The following IVL variants were observed in gnomAD, a reference collection of about 807,000 sequenced individuals.
IVL encodes the protein involucrin.
For synonymous variants in IVL, 257 were observed against 271.0 expected, an observed-to-expected ratio of 0.95 and a Z score of 0.51; for missense variants, 722 against 624.9, an observed-to-expected ratio of 1.16 and a Z score of -1.66.
In IVL at chr1:152,911,633, C is replaced by G; in HGVS notation, c.*78C>G. ...GCCACTGGCTCCACTTATTTCGGGT[C>G]CGCTAGGTGGCCCGTCTCATCTGTG... On this transcript the variant is annotated 3_prime_UTR_variant, in exon 2 of 2. Transcript: ENST00000368764. 1 of 1,384,408 alleles carries G rather than the reference C, an allele frequency of 7.2e-7. No individual in the cohort carries two copies. Among genetic ancestry groups the G allele is most frequent in the Non-Finnish European group, 9.9e-7 (1 of 1,010,744 alleles). The allele number at this position is 1,384,408 out of a possible 1,614,324, so 85.8% of individuals were successfully genotyped here.
Position 152,910,661 on chromosome 1 carries a change from G to A in IVL, c.864G>A (p.Gln288=), listed in dbSNP as rs180686771. 336 of 1,550,644 alleles carry A rather than the reference G, an allele frequency of 2.2e-4. 1 individual carries two copies. In the African/African-American group the frequency reaches 3.8e-3, roughly 18 times the overall value. The change falls in exon 2 of 2, where the codon CAG becomes CAA. Residue 288 remains glutamine (Q), a synonymous_variant. Coordinates refer to ENST00000368764, the MANE Select transcript of IVL (RefSeq NM_005547.4). Reference sequence around the variant, plus strand: ...TGGGGCAGCTGAAGTACCTGGAACAGCAGGAGGGGCAGCTGAAGCACCTGG... The same window carrying A: ...TGGGGCAGCTGAAGTACCTGGAACAACAGGAGGGGCAGCTGAAGCACCTGG... ...EQMGQLKYLE[Q]QEGQLKHLDQ... is the part of the protein sequence containing the mutation.
Position 152,911,694 on chromosome 1 carries a change from G to A in IVL, c.*139G>A. 1 of 833,092 alleles carries A rather than the reference G, an allele frequency of 1.2e-6. No individual in the cohort carries two copies. Among genetic ancestry groups the A allele is most frequent in the South Asian group, 1.8e-5 (1 of 56,684 alleles). The allele number at this position is 833,092 out of a possible 1,614,324, so 51.6% of individuals were successfully genotyped here. ...TGTCCCTCTACATGTCTCTTTAATG[G>A]GGTGAGGGTGGGGGAGAGAGGGAAT... On this transcript the variant is annotated 3_prime_UTR_variant, in exon 2 of 2. Coordinates refer to ENST00000368764, the MANE Select transcript of IVL (RefSeq NM_005547.4).
In IVL at chr1:152,911,593, A is replaced by G. The variant is rs1179804901; in HGVS notation, c.*38A>G. The stretch of plus-strand genomic sequence containing the variant: ...TCCAGAGGCCCTCAGATCGTCTCAT[A>G]CAAGGGAAGAGAGAGCCACTGGCTC... On this transcript the variant is annotated 3_prime_UTR_variant, in exon 2 of 2. Coordinates refer to ENST00000368764, the MANE Select transcript of IVL (RefSeq NM_005547.4). The G allele has an allele frequency of 6.5e-7, 1 of 1,549,638 alleles. No homozygotes were observed. Among genetic ancestry groups the G allele is most frequent in the African/African-American group, 1.4e-5 (1 of 72,930 alleles).
In IVL at chr1:152,910,842, C is replaced by G. The variant is rs1649957524; in HGVS notation, c.1045C>G (p.Gln349Glu). The G allele has an allele frequency of 5.8e-6, 9 of 1,551,602 alleles. No homozygotes were observed. Among genetic ancestry groups the G allele is most frequent in the Non-Finnish European group, 7.8e-6 (9 of 1,147,324 alleles). ...GGGGCAGCTGAAGCACCTGGAGCAG[C>G]AGGAGGGGCAGCTGGAGCACCTGGA... ...QEGQLKHLEQQEGQLEHLEHQ... is the reference protein window; with the variant it reads ...QEGQLKHLEQEEGQLEHLEHQ... The change falls in exon 2 of 2, where the codon CAG becomes GAG. Residue 349 changes from glutamine to glutamate, a missense_variant. Gln to Glu is a conservative substitution (Grantham distance 29). Coordinates refer to ENST00000368764, the MANE Select transcript of IVL (RefSeq NM_005547.4).
At position 152,910,834 on chromosome 1, in the gene IVL, T is replaced by G. The variant is rs1247431800; in HGVS notation, c.1037T>G (p.Leu346Arg). The G allele has an allele frequency of 6.6e-7, 1 of 1,519,768 alleles. No homozygotes were observed. Among genetic ancestry groups the G allele is most frequent in the South Asian group, 1.2e-5 (1 of 82,870 alleles). The allele number at this position is 1,519,768 out of a possible 1,614,324, so 94.1% of individuals were successfully genotyped here. The change falls in exon 2 of 2, where the codon CTG becomes CGG. Residue 346 changes from leucine (L) to arginine (R), a missense_variant. Transcript: ENST00000368764. ...LEEQEGQLKHLEQQEGQLEHL... is the reference protein window; with the variant it reads ...LEEQEGQLKHREQQEGQLEHL... ...GAGCAGGAGGGGCAGCTGAAGCACC[T>G]GGAGCAGCAGGAGGGGCAGCTGGAG...
intron 1 of IVL, among the ~76,000 whole-genome samples, chr1:152,909,349 G>T (rs1050629665): frequency 6.6e-6 from 1 of 152,184 alleles, no homozygotes; most frequent in Non-Finnish European, 1.5e-5. Context: ...CGGCCTATTG[G>T]TTTTCTAGGA....
Position 152,910,690 on chromosome 1 carries a change from A to G in IVL, c.893A>G (p.Gln298Arg), listed in dbSNP as rs369992106. The G allele has an allele frequency of 6.5e-6, 10 of 1,549,462 alleles. No homozygotes were observed. The African/African-American group carries it at 9.6e-5, about 15-fold the overall frequency. Residue 298 changes from glutamine to arginine, a missense_variant, in exon 2 of 2, where the codon CAG becomes CGG. Transcript: ENST00000368764. ...QQEGQLKHLD[Q>R]QEKQPELPEQ... ...GAGGGGCAGCTGAAGCACCTGGATC[A>G]GCAGGAGAAGCAGCCAGAGCTCCCA...
intron 1 of IVL, among the ~76,000 whole-genome samples, 179 bp from the exon 2 acceptor site, chr1:152,909,600 C>A (rs1460419380): frequency 6.6e-6 from 1 of 152,168 alleles, no homozygotes; most frequent in Non-Finnish European, 1.5e-5. Flanking sequence ...CTCTGCCCCT[C>A]CACATTTCCA....
At chr1:152,909,558 C>T (rs2101495117) in intron 1 of IVL, among the ~76,000 whole-genome samples, 1 of 152,284 alleles carries the variant, frequency 6.6e-6, no homozygotes, top group East Asian at 1.9e-4. Flanking sequence ...TGGCTCTCAC[C>T]TGGGAACAAG....
At chr1:152,909,640 G>A in intron 1 of IVL, 139 bp from the exon 2 acceptor site, 2 of 644,338 alleles carry the variant, frequency 3.1e-6, no homozygotes, top group Admixed American at 3.1e-5. Flanking sequence ...TTTGGGAAAT[G>A]ATAGTCCAGA....
Position 152,911,083 on chromosome 1 carries a change from A to T in IVL, c.1286A>T (p.Gln429Leu). Residue 429 changes from glutamine (Q) to leucine (L), a missense_variant, in exon 2 of 2, where the codon CAG (glutamine) becomes CTG (leucine). By Grantham distance (113) the Gln-to-Leu change is moderately radical. Transcript: ENST00000368764. ...GAGCACCTGGAGCAGCAGGTGGGGC[A>T]GCTGAAGCACCTAGAGGAGCAGGAG... The part of the protein sequence containing the change: ...QVEHLEQQVG[Q>L]LKHLEEQEGQ... 1 of 1,551,968 alleles carries T rather than the reference A, an allele frequency of 6.4e-7. No homozygotes were observed. Among genetic ancestry groups the T allele is most frequent in the Non-Finnish European group, 8.7e-7 (1 of 1,147,194 alleles).
In IVL at chr1:152,911,803, G is replaced by A; in HGVS notation, c.*248G>A. On this transcript the variant is annotated 3_prime_UTR_variant, in exon 2 of 2. Transcript: ENST00000368764. ...ACTTGAGGGACTATTGTTACTATAG[G>A]AATCCTTACTTCCCCAGTATTGAAG... The A allele has an allele frequency of 5.9e-6, 3 of 506,094 alleles. No homozygotes were observed. The highest frequency in any genetic ancestry group is 1.1e-5 in the Non-Finnish European group (3 of 279,996). The allele number at this position is 506,094 out of a possible 1,614,324, so 31.4% of individuals were successfully genotyped here.
chr1:152,910,515 G>A lies in IVL; in HGVS notation c.718G>A (p.Glu240Lys), dbSNP rs534874171. The change falls in exon 2 of 2, where the codon GAG becomes AAG. Residue 240 changes from glutamate to lysine, a missense_variant. Coordinates refer to ENST00000368764, the MANE Select transcript of IVL (RefSeq NM_005547.4). ...EGQLELPQQQ[E>K]GQLELSEQQE... is the part of the protein sequence containing the mutation. Reference sequence around the variant, plus strand: ...GCAGCTGGAGCTCCCACAGCAGCAGGAGGGGCAGCTGGAGCTCTCTGAGCA... The same window carrying A: ...GCAGCTGGAGCTCCCACAGCAGCAGAAGGGGCAGCTGGAGCTCTCTGAGCA... The A allele has an allele frequency of 1.6e-5, 24 of 1,521,340 alleles. 1 individual carries two copies. The highest frequency in any genetic ancestry group is 1.9e-5 in the Non-Finnish European group (21 of 1,133,134). The allele number at this position is 1,521,340 out of a possible 1,614,324, so 94.2% of individuals were successfully genotyped here.
chr1:152,911,719 T>C lies in IVL; in HGVS notation c.*164T>C. 1 of 732,118 alleles carries C rather than the reference T, an allele frequency of 1.4e-6. No individual in the cohort carries two copies. The highest frequency in any genetic ancestry group is 2.7e-5 in the East Asian group (1 of 36,830). The allele number at this position is 732,118 out of a possible 1,614,324, so 45.4% of individuals were successfully genotyped here. A position where few individuals can be genotyped will look rare whatever the true frequency, so the allele number is the denominator to read the frequency against. ...GGGTGAGGGTGGGGGAGAGAGGGAA[T>C]TATTGTCCAGTGCCAACCCCAATGA... On this transcript the variant is annotated 3_prime_UTR_variant, in exon 2 of 2. Transcript: ENST00000368764.
At chr1:152,909,455 G>A (rs960102760) in intron 1 of IVL, among the ~76,000 whole-genome samples, 6 of 152,152 alleles carry the variant, frequency 3.9e-5, no homozygotes, top group African/African-American at 9.7e-5. Flanking sequence ...TCAGTGAAGC[G>A]ATGAGGGTGG....
Position 152,909,874 on chromosome 1 carries a change from C to T in IVL, c.77C>T (p.Pro26Leu), listed in dbSNP as rs796665048. ...GAGCTCCTCAAGACTGTTCCTCCTC[C>T]AGTCAATACCCATCAGGAGCAAATG... ...SQELLKTVPP[P>L]VNTHQEQMKQ... is the part of the protein sequence containing the mutation. Residue 26 changes from proline (P) to leucine (L), a missense_variant, in exon 2 of 2, where the codon CCA becomes CTA. Physicochemically the swap from Pro to Leu is moderately conservative, Grantham distance 98. Coordinates refer to ENST00000368764, the MANE Select transcript of IVL (RefSeq NM_005547.4). 6 of 1,614,202 alleles carry T rather than the reference C, an allele frequency of 3.7e-6. No individual in the cohort carries two copies. The highest frequency in any genetic ancestry group is 5.1e-6 in the Non-Finnish European group (6 of 1,180,034).
chr1:152,911,447 C>T lies in IVL; in HGVS notation c.1650C>T (p.Gly550=), dbSNP rs1203941177. 2 of 1,614,142 alleles carry T rather than the reference C, an allele frequency of 1.2e-6. No homozygotes were observed. The highest frequency in any genetic ancestry group is 2.2e-5 in the East Asian group (1 of 44,882). The change falls in exon 2 of 2, where the codon GGC becomes GGT. Residue 550 remains glycine, a synonymous_variant. Transcript: ENST00000368764. ...LEQPVFAPAP[G]QVQDIQPALP... ...AGCCTGTGTTTGCCCCAGCTCCAGG[C>T]CAGGTCCAAGACATTCAACCAGCCC...
rs568474125 is a variant in IVL, at chr1:152,910,989, C to G, written c.1192C>G (p.Gln398Glu). The change falls in exon 2 of 2, where the codon CAG becomes GAG. Residue 398 changes from glutamine (Q) to glutamate (E), a missense_variant. Coordinates refer to ENST00000368764, the MANE Select transcript of IVL (RefSeq NM_005547.4). ...GGAGGGGCAGCTGAAGCACCTGGTGCAGCAGGAGGGGCAGCTGAAGCATCT... is the reference window on the plus strand; with the variant it reads ...GGAGGGGCAGCTGAAGCACCTGGTGGAGCAGGAGGGGCAGCTGAAGCATCT... ...EEEGQLKHLV[Q>E]QEGQLKHLVQ... 3.9e-6 allele frequency: 6 copies of G among 1,547,608 alleles called. No individual in the cohort carries two copies. Among genetic ancestry groups the G allele is most frequent in the Non-Finnish European group, 5.2e-6 (6 of 1,145,880 alleles).
Position 152,910,173 on chromosome 1 carries a change from G to A in IVL, c.376G>A (p.Glu126Lys). ...GCAGCTAAACAAACAGCTGGAAGAAGAGAAGAAGCTCTTAGACCAGCAACT... is the reference window on the plus strand; with the variant it reads ...GCAGCTAAACAAACAGCTGGAAGAAAAGAAGAAGCTCTTAGACCAGCAACT... ...DQQLNKQLEE[E>K]KKLLDQQLDQ... Residue 126 changes from glutamate (E) to lysine (K), a missense_variant, in exon 2 of 2, where the codon GAG (glutamate) becomes AAG (lysine). By Grantham distance (56) the Glu-to-Lys change is moderately conservative (BLOSUM62 1). Coordinates refer to ENST00000368764, the MANE Select transcript of IVL (RefSeq NM_005547.4). The A allele has an allele frequency of 5.6e-6, 9 of 1,614,188 alleles. No homozygotes were observed. The highest frequency in any genetic ancestry group is 7.6e-6 in the Non-Finnish European group (9 of 1,180,024).
Sources: allele counts gnomAD v4.1 joint callset (sites outside exome capture counted in the v4.1 genomes callset), GRCh38; gene constraint gnomAD v4.1.1; transcripts MANE v1.5; gene names NCBI Gene and HGNC (gene_info 2026-07-23, HGNC 2026-07-21).